HDX: variants seen among roughly 807,000 people sequenced by gnomAD.
HDX encodes highly divergent homeobox.
A neutral mutation model predicts 45.2 loss-of-function variants in HDX; 19 were observed. That is an observed-to-expected ratio of 0.42 (90% CI 0.29 to 0.62). The LOEUF (loss-of-function observed/expected upper bound fraction) is 0.62, where lower values mean the gene tolerates loss of function less well. Among genes scored for constraint, HDX ranks in the 20% least tolerant of loss-of-function variants. The pLI, the probability that HDX is intolerant of heterozygous loss-of-function variation, is 0.20. For missense variants in HDX, 532 were observed against 493.9 expected (o/e 1.08, Z -0.73); for synonymous variants, 188 against 172.8 (o/e 1.09, Z -0.69).
At chrX:84,489,036 G>T (rs1412891068) in intron 1 of HDX, among the ~76,000 whole-genome samples, 1 of 110,714 alleles carries the variant, frequency 9.0e-6, no homozygotes, top group African/African-American at 3.3e-5. Context: ...TTTCTAATCT[G>T]GTAAAAGACC....
In HDX at chrX:84,429,146, A is replaced by G. The variant is rs181535237; in HGVS notation, c.1305+11386T>C. Among the ~76,000 whole-genome samples, 192 of 110,686 alleles carry G rather than the reference A, an allele frequency of 1.7e-3. 1 individual carries two copies. Among genetic ancestry groups the G allele is most frequent in the Middle Eastern group, 4.6e-3 (1 of 217 alleles). The stretch of plus-strand genomic sequence containing the variant: ...TCCTGTCAATTATATGTTTTTTCAA[A>G]GTTGTTTTGGCTATTTCTAAGTAAT... On this transcript the variant is annotated intron_variant, in intron 5 of 10. Coordinates refer to ENST00000373177, the MANE Select transcript of HDX (RefSeq NM_001177479.2).
intron 4 of HDX, among the ~76,000 whole-genome samples, chrX:84,453,407 A>G (rs2040046811): frequency 8.9e-6 from 1 of 111,912 alleles, no homozygotes; most frequent in African/African-American, 3.2e-5. Flanking sequence ...AAGTCTGTGC[A>G]CTTAGGGGAA....
At chrX:84,335,260 G>A (rs1445640375) in intron 8 of HDX, among the ~76,000 whole-genome samples, 1 of 110,459 alleles carries the variant, frequency 9.1e-6, no homozygotes, top group African/African-American at 3.3e-5. Flanking sequence ...TGGCAAAAAG[G>A]AGCTAGGCAA....
chrX:84,461,128 C>T (rs2040228427), intron 4 of HDX, among the ~76,000 whole-genome samples: 1 of 111,110 alleles, frequency 9.0e-6, no homozygotes, highest in Admixed American at 9.6e-5. Flanking sequence ...AATTCAATCC[C>T]CGTCAAAATA....
intron 5 of HDX, among the ~76,000 whole-genome samples, chrX:84,405,997 G>A (rs182550468): frequency 9.1e-6 from 1 of 110,387 alleles, no homozygotes; most frequent in East Asian, 2.8e-4. Context: ...AGTTAGCAGT[G>A]GGGCATGAAT....
intron 5 of HDX, among the ~76,000 whole-genome samples, chrX:84,435,753 G>A (rs1396312400): frequency 1.4e-4 from 15 of 107,838 alleles, no homozygotes; most frequent in Non-Finnish European, 2.5e-4. Context: ...GTGTAAGGAA[G>A]GGATCATTAA....
At chrX:84,350,065 A>G (rs1265752484) in intron 6 of HDX, among the ~76,000 whole-genome samples, 4 of 110,786 alleles carry the variant, frequency 3.6e-5, no homozygotes, top group African/African-American at 1.3e-4. Flanking sequence ...AAACCTATAA[A>G]AACTGAAAAA....
chrX:84,479,951 C>G (rs2040641450), intron 2 of HDX, among the ~76,000 whole-genome samples: 1 of 111,201 alleles, frequency 9.0e-6, no homozygotes, highest in South Asian at 3.8e-4. Flanking sequence ...GATACAAACC[C>G]TTCATCAGAA....
At chrX:84,374,315 G>A (rs367876201) in intron 5 of HDX, among the ~76,000 whole-genome samples, 8 of 108,651 alleles carry the variant, frequency 7.4e-5, no homozygotes, top group East Asian at 5.8e-4. Context: ...AATAAATATC[G>A]TGAAAATGGC....
intron 5 of HDX, among the ~76,000 whole-genome samples, chrX:84,410,125 TTCC>T: frequency 9.1e-6 from 1 of 109,848 alleles, no homozygotes; most frequent in Non-Finnish European, 1.9e-5. Context: ...ACTTCTTCTT[TTCC>T]TATTTGGGTG....
rs138994164 is a variant in HDX at position 84,396,773 on chromosome X, C to T, written c.1306-35161G>A. ...AGGGTGGGTGTGCTCAACCTCAGTT[C>T]CCTGGGAGGAGTGCTCAAGGAGACA... On this transcript the variant is annotated intron_variant, in intron 5 of 10. Transcript: ENST00000373177. 8.3e-4 allele frequency among the ~76,000 whole-genome samples: 92 copies of T among 110,976 alleles called. 4 individuals are homozygous for T. In the East Asian group the frequency reaches 0.019, roughly 23 times the overall value.
intron 1 of HDX, among the ~76,000 whole-genome samples, chrX:84,500,468 AC>A (rs200387607): frequency 1.1e-5 from 1 of 90,733 alleles, no homozygotes; most frequent in East Asian, 3.0e-4. Context: ...ACACACACAC[AC>A]ACAACAACAA....
chrX:84,355,776 T>G (rs1336013034), intron 6 of HDX, among the ~76,000 whole-genome samples: 1 of 108,670 alleles, frequency 9.2e-6, no homozygotes, highest in Non-Finnish European at 1.9e-5. Context: ...AGTTAATGAG[T>G]GCAGCACACC....
intron 1 of HDX, among the ~76,000 whole-genome samples, chrX:84,495,194 G>A (rs1380215110): frequency 9.0e-6 from 1 of 110,786 alleles, no homozygotes; most frequent in Non-Finnish European, 1.9e-5. Context: ...ATCAAGGCTG[G>A]AGAACAGTGA....
intron 5 of HDX, among the ~76,000 whole-genome samples, chrX:84,409,617 G>T (rs1367306174): frequency 2.9e-5 from 3 of 102,094 alleles, no homozygotes; most frequent in Non-Finnish European, 6.0e-5. Flanking sequence ...GCAAACTATC[G>T]CAAGGACAAA....
At position 84,422,601 on chromosome X, in the gene HDX, C is replaced by T. The variant is rs191709071; in HGVS notation, c.1305+17931G>A. 1.7e-3 allele frequency among the ~76,000 whole-genome samples: 178 copies of T among 106,890 alleles called. 4 individuals are homozygous for T. Among genetic ancestry groups the T allele is most frequent in the Admixed American group, 0.016 (153 of 9,849 alleles). 92.8% of individuals were successfully genotyped at this position (106,890 alleles called of 115,157 possible). A position where few individuals can be genotyped will look rare whatever the true frequency, so the allele number is the denominator to read the frequency against. On this transcript the variant is annotated intron_variant, in intron 5 of 10. Transcript: ENST00000373177. ...GTAGACGAAAATAAATAGTAAAGAT[C>T]GGAGTAGAAATAAATGCTTTTGAAA...
At chrX:84,421,899 A>G (rs969310214) in intron 5 of HDX, among the ~76,000 whole-genome samples, 4 of 111,266 alleles carry the variant, frequency 3.6e-5, no homozygotes, top group Non-Finnish European at 5.7e-5. Context: ...TGGAGCACCC[A>G]CATATATAAA....
rs1483154045 is a variant in HDX, at chrX:84,400,595, G to A, written c.1306-38983C>T. 3.6e-5 allele frequency among the ~76,000 whole-genome samples: 4 copies of A among 110,694 alleles called. No homozygotes were observed. In the Admixed American group the frequency reaches 3.9e-4, roughly 11 times the overall value. ...GAAAACATTCTATCCTCATGGATAG[G>A]AATAATCAATATTGTGAAAATGACC... On this transcript the variant is annotated intron_variant, in intron 5 of 10. Transcript: ENST00000373177.
At chrX:84,420,885 CA>C (rs1489769072) in intron 5 of HDX, among the ~76,000 whole-genome samples, 2 of 111,574 alleles carry the variant, frequency 1.8e-5, no homozygotes, top group Non-Finnish European at 3.8e-5. Context: ...CAAACAACAA[CA>C]ACAAAAAACT....
Sources: gnomAD v4.1 joint callset for allele counts (sites outside exome capture counted in the v4.1 genomes callset) on GRCh38, gnomAD v4.1.1 for gene constraint, MANE v1.5 for transcripts, NCBI Gene and HGNC (gene_info 2026-07-23, HGNC 2026-07-21) for gene names.